HMCN1: variants seen among roughly 807,000 people sequenced by gnomAD.
HMCN1 encodes the protein hemicentin 1, also known as hemicentin-1.
In HMCN1, 321 loss-of-function variants were observed where a neutral mutation model predicts 625.9. The observed-to-expected ratio is 0.51, with a 90% CI of 0.47 to 0.56. The LOEUF (loss-of-function observed/expected upper bound fraction) is 0.56. Ranked by LOEUF, HMCN1 falls within the 20% of genes least tolerant of loss-of-function variation. The probability of loss-of-function intolerance (pLI) is 0.00; values close to 1 mark genes in which losing one functional copy is unlikely to be tolerated. For missense variants in HMCN1, 6,588 were observed against 6,887.3 expected, an observed-to-expected ratio of 0.96 and a Z score of 1.54; for synonymous variants, 2,425 against 2,417.6, an observed-to-expected ratio of 1.00 and a Z score of -0.09.
Position 186,145,448 on chromosome 1 carries a change from G to A in HMCN1, c.14312G>A (p.Arg4771Gln), listed in dbSNP as rs141397809. Residue 4771 changes from arginine to glutamine, a missense_variant, in exon 92 of 107, where the codon CGG becomes CAG. Transcript: ENST00000271588. The part of the protein sequence containing the change: ...SPWSGWGTCS[R>Q]TCNGGQMRRY... ...TGGAGTGGCTGGGGAACATGCAGCCGGACGTGTAACGGAGGGCAGATGCGG... is the reference window on the plus strand; with the variant it reads ...TGGAGTGGCTGGGGAACATGCAGCCAGACGTGTAACGGAGGGCAGATGCGG... 2.1e-5 allele frequency: 33 copies of A among 1,602,816 alleles called. No homozygotes were observed. Among genetic ancestry groups the A allele is most frequent in the Middle Eastern group, 1.7e-4 (1 of 6,002 alleles).
At chr1:185,839,337 T>C (rs1661347907) in intron 1 of HMCN1, among the ~76,000 whole-genome samples, 1 of 152,220 alleles carries the variant, frequency 6.6e-6, no homozygotes, top group African/African-American at 2.4e-5. Flanking sequence ...ATAAGAATTA[T>C]TTCAGTTCAA....
chr1:185,896,483 A>T (rs1234218173), intron 4 of HMCN1, among the ~76,000 whole-genome samples: 1 of 152,230 alleles, frequency 6.6e-6, no homozygotes, highest in East Asian at 1.9e-4. Flanking sequence ...TGCAGGTAGT[A>T]CAATAATGTG....
At chr1:185,748,891 A>G (rs1035308973) in intron 1 of HMCN1, among the ~76,000 whole-genome samples, 1 of 152,234 alleles carries the variant, frequency 6.6e-6, no homozygotes, top group East Asian at 1.9e-4. Flanking sequence ...TAGAGTCAAA[A>G]CACTTGAGTA....
chr1:186,181,739 A>G (rs1652948068), intron 104 of HMCN1, among the ~76,000 whole-genome samples: 1 of 152,158 alleles, frequency 6.6e-6, no homozygotes, highest in South Asian at 2.1e-4. Context: ...TTTAAATACA[A>G]TAAAAACAAA....
chr1:185,994,234 A>G (rs1652631242), intron 23 of HMCN1, among the ~76,000 whole-genome samples: 1 of 152,148 alleles, frequency 6.6e-6, no homozygotes, highest in Non-Finnish European at 1.5e-5. Context: ...GAAATCAGGA[A>G]TCATTTGCTG....
chr1:186,090,010 T>G (rs1659749149), intron 63 of HMCN1, among the ~76,000 whole-genome samples: 1 of 151,922 alleles, frequency 6.6e-6, no homozygotes, highest in African/African-American at 2.4e-5. Flanking sequence ...TATACAAGAT[T>G]TCAACCTACC....
At chr1:186,033,489 G>T (rs942699406) in intron 36 of HMCN1, among the ~76,000 whole-genome samples, 1 of 152,048 alleles carries the variant, frequency 6.6e-6, no homozygotes, top group Non-Finnish European at 1.5e-5. Flanking sequence ...ACATCCTCTT[G>T]TATAGTTTAA....
intron 67 of HMCN1, among the ~76,000 whole-genome samples, chr1:186,094,621 G>A (rs142859714): frequency 9.5e-4 from 145 of 152,154 alleles, no homozygotes; most frequent in African/African-American, 3.4e-3. Context: ...TTTAAAAATA[G>A]CATTTCAATC....
At chr1:186,161,746 GC>G (rs1651496441) in intron 97 of HMCN1, among the ~76,000 whole-genome samples, 1 of 152,036 alleles carries the variant, frequency 6.6e-6, no homozygotes, top group Non-Finnish European at 1.5e-5. Context: ...TTGAATATTG[GC>G]CCCCACTCTC....
At chr1:185,900,667 C>A (rs1665754116) in intron 4 of HMCN1, among the ~76,000 whole-genome samples, 1 of 151,878 alleles carries the variant, frequency 6.6e-6, no homozygotes, top group Non-Finnish European at 1.5e-5. Context: ...CTATTATATG[C>A]TCTATTATAT....
chr1:186,093,831 T>A (rs532812833), intron 66 of HMCN1, among the ~76,000 whole-genome samples, 162 bp downstream of exon 66: 2 of 152,138 alleles, frequency 1.3e-5, no homozygotes, highest in Non-Finnish European at 2.9e-5. Flanking sequence ...AAATATACAG[T>A]TGAAATGATT....
At chr1:185,943,180 G>A (rs961084398) in intron 11 of HMCN1, among the ~76,000 whole-genome samples, 7 of 152,184 alleles carry the variant, frequency 4.6e-5, no homozygotes, top group East Asian at 1.9e-4. Context: ...GTTTTCCTGC[G>A]CTCCGAGAGC....
intron 1 of HMCN1, among the ~76,000 whole-genome samples, chr1:185,811,625 G>T (rs1415719121): frequency 3.3e-5 from 5 of 151,830 alleles, no homozygotes; most frequent in South Asian, 2.1e-4. Flanking sequence ...AAAAAAGGAG[G>T]TGTGTGGATT....
chr1:185,835,014 C>A (rs373814864), intron 1 of HMCN1, among the ~76,000 whole-genome samples: 93 of 152,236 alleles, frequency 6.1e-4, no homozygotes, highest in African/African-American at 2.2e-3. Flanking sequence ...CATAACTTGA[C>A]GACAGTATTA....
chr1:185,828,175 A>G (rs569926877), intron 1 of HMCN1, among the ~76,000 whole-genome samples: 3 of 152,184 alleles, frequency 2.0e-5, no homozygotes, highest in Non-Finnish European at 4.4e-5. Flanking sequence ...TAAGACTAAA[A>G]TATGGGGATT....
At chr1:185,915,026 AATG>A (rs1251268203) in intron 6 of HMCN1, among the ~76,000 whole-genome samples, 1 of 152,038 alleles carries the variant, frequency 6.6e-6, no homozygotes, top group African/African-American at 2.4e-5. Flanking sequence ...TACGATTTAA[AATG>A]ATAAGAGAGT....
At chr1:186,021,003 A>G (rs1424603593) in intron 35 of HMCN1, among the ~76,000 whole-genome samples, 1 of 152,168 alleles carries the variant, frequency 6.6e-6, no homozygotes, top group Non-Finnish European at 1.5e-5. Context: ...GTAGTCATCC[A>G]GACCCATTCC....
At chr1:185,854,568 A>T (rs1662348099) in intron 2 of HMCN1, among the ~76,000 whole-genome samples, 1 of 152,118 alleles carries the variant, frequency 6.6e-6, no homozygotes, top group South Asian at 2.1e-4. Flanking sequence ...TTGAATACTG[A>T]TTCTGTCATC....
At chr1:186,108,690 C>A in intron 71 of HMCN1, 93 bp downstream of exon 71, 1 of 1,366,208 alleles carries the variant, frequency 7.3e-7, no homozygotes, top group Non-Finnish European at 1.0e-6. Context: ...ACAAAACCAA[C>A]TAACATCAGG....
Sources: allele counts gnomAD v4.1 joint callset (sites outside exome capture counted in the v4.1 genomes callset), GRCh38; gene constraint gnomAD v4.1.1; transcripts MANE v1.5; gene names NCBI Gene and HGNC (gene_info 2026-07-23, HGNC 2026-07-21).